KIFC3: variants seen among roughly 807,000 people sequenced by gnomAD.
KIFC3 encodes the protein kinesin-like protein KIFC3.
In KIFC3, 60 loss-of-function variants were observed where a neutral mutation model predicts 101.8. The observed-to-expected ratio is 0.59, with a 90% CI of 0.48 to 0.73. The LOEUF (loss-of-function observed/expected upper bound fraction) is 0.73. Among genes scored for constraint, KIFC3 ranks in the 30% least tolerant of loss-of-function variants. KIFC3 has a pLI of 0.00. For missense variants in KIFC3, 966 were observed against 1,137.1 expected, an observed-to-expected ratio of 0.85 and a Z score of 2.16; for synonymous variants, 476 against 482.7, an observed-to-expected ratio of 0.99 and a Z score of 0.18.
At chr16:57,809,381 A>G (rs1555627489) in intron 1 of KIFC3, among the ~76,000 whole-genome samples, 2 of 152,182 alleles carry the variant, frequency 1.3e-5, no homozygotes, top group African/African-American at 2.4e-5. Flanking sequence ...CTGCAGCCTT[A>G]AACTCCTGAG....
chr16:57,761,183 G>T lies in KIFC3; in HGVS notation c.1873-12C>A. On this transcript the variant is annotated splice_polypyrimidine_tract_variant and intron_variant, in intron 14 of 19. Transcript: ENST00000445690. ...CCAAACTCAAACACCTGGGGGATTG[G>T]GAGGAGGGCAGAGGCACAGCGTTGA... The T allele has an allele frequency of 6.2e-7, 1 of 1,613,436 alleles. No individual in the cohort carries two copies. The highest frequency in any genetic ancestry group is 1.3e-5 in the African/African-American group (1 of 75,042).
intron 13 of KIFC3, among the ~76,000 whole-genome samples, 185 bp from the exon 14 acceptor site, chr16:57,761,721 A>T (rs1294744343): frequency 6.6e-6 from 1 of 150,666 alleles, no homozygotes; most frequent in African/African-American, 2.4e-5. Flanking sequence ...ATCTCACTCC[A>T]CAATACAATG....
At chr16:57,817,528 G>A (rs1015918417) in intron 1 of KIFC3, among the ~76,000 whole-genome samples, 3 of 152,092 alleles carry the variant, frequency 2.0e-5, no homozygotes, top group African/African-American at 7.2e-5. Flanking sequence ...GGAGGCGGGC[G>A]ATCTTCAGTG....
chr16:57,794,968 C>A, intron 3 of KIFC3, 31 bp downstream of exon 3: 3 of 1,516,784 alleles, frequency 2.0e-6, no homozygotes, highest in Non-Finnish European at 2.6e-6. Flanking sequence ...AGAGCCAAGG[C>A]ACATGCAGCC....
At chr16:57,786,905 C>G (rs368975823) in intron 3 of KIFC3, among the ~76,000 whole-genome samples, 2 of 152,206 alleles carry the variant, frequency 1.3e-5, no homozygotes, top group East Asian at 3.9e-4. Flanking sequence ...ACAGGCCCCC[C>G]CAACCCGCTC....
At position 57,765,504 on chromosome 16, in the gene KIFC3, G is replaced by A. The variant is rs1394216582; in HGVS notation, c.1467C>T (p.Ser489=). 1.9e-6 allele frequency: 3 copies of A among 1,591,202 alleles called. No individual in the cohort carries two copies. Among genetic ancestry groups the A allele is most frequent in the African/African-American group, 1.3e-5 (1 of 74,708 alleles). ...IHLLHKGKPV[S]FELDKVFSPQ... ...GGGAGAAGACCTTGTCCAGCTCGAA[G>A]GACACAGGCTTGCCCTTGTGCAGCA... Residue 489 remains serine (S), a synonymous_variant, in exon 11 of 20, where the codon TCC becomes TCT. Coordinates refer to ENST00000445690, the MANE Select transcript of KIFC3 (RefSeq NM_001130100.2).
Position 57,862,798 on chromosome 16 carries a change from C to CA in KIFC3, c.38dup (p.Thr14AspfsTer33). ...GGTGTCTGGGCTTCCATGCAGCTGT[C>CA]AGAGTGTTCTTCCTGAAAAGAAACT... On this transcript the variant is annotated frameshift_variant, in exon 1 of 3. Transcript: ENST00000563028. LOFTEE classifies it high-confidence loss of function. The CA allele has an allele frequency of 3.1e-6, 4 of 1,289,682 alleles. No homozygotes were observed. Among genetic ancestry groups the CA allele is most frequent in the Non-Finnish European group, 4.0e-6 (4 of 988,760 alleles). 79.9% of individuals were successfully genotyped at this position (1,289,682 alleles called of 1,614,324 possible). A position where few individuals can be genotyped will look rare whatever the true frequency, so the allele number is the denominator to read the frequency against.
At position 57,769,737 on chromosome 16, in the gene KIFC3, C is replaced by T; in HGVS notation, c.1088-12G>A. On this transcript the variant is annotated splice_polypyrimidine_tract_variant and intron_variant, in intron 8 of 19. Coordinates refer to ENST00000445690, the MANE Select transcript of KIFC3 (RefSeq NM_001130100.2). The surrounding 1 kb of genome is among the most constrained non-coding windows in gnomAD (Gnocchi z 4.3). ...GTTGGTCCGGACGCCTATGGGGACA[C>T]TCGGGCTGTGAGGCGGGAGGGGATG... 1 of 1,612,956 alleles carries T rather than the reference C, an allele frequency of 6.2e-7. No individual in the cohort carries two copies. The highest frequency in any genetic ancestry group is 8.5e-7 in the Non-Finnish European group (1 of 1,179,792).
chr16:57,795,115 C>T lies in KIFC3; in HGVS notation c.199G>A (p.Gly67Ser), dbSNP rs1016750728. ...CTTCGGGCACTGGAGTCCTCGTCACCGCAGACTGGGGTATCTTTTCCACGC... is the reference window on the plus strand; with the variant it reads ...CTTCGGGCACTGGAGTCCTCGTCACTGCAGACTGGGGTATCTTTTCCACGC... ...TGRGKDTPVCGDEDSSARSAA... is the reference protein window; with the variant it reads ...TGRGKDTPVCSDEDSSARSAA... Residue 67 changes from glycine to serine, a missense_variant, in exon 3 of 20, where the codon GGT becomes AGT. Gly to Ser is a moderately conservative substitution (Grantham distance 56). This residue lies in a region of KIFC3 where 277 missense variants were observed against 252.5 expected (regional missense o/e 1.10). Coordinates refer to ENST00000445690, the MANE Select transcript of KIFC3 (RefSeq NM_001130100.2). The T allele has an allele frequency of 3.1e-6, 5 of 1,611,524 alleles. No homozygotes were observed. The highest frequency in any genetic ancestry group is 4.2e-6 in the Non-Finnish European group (5 of 1,178,984).
At chr16:57,815,394 C>T (rs12927271) in intron 1 of KIFC3, 126,390 of 1,165,318 alleles carry the variant, frequency 0.11, 7,171 homozygotes, top group South Asian at 0.12. Flanking sequence ...AGATCCACAC[C>T]GCACCCCACC....
intron 1 of KIFC3, among the ~76,000 whole-genome samples, chr16:57,850,947 CTCCT>C (rs200153757): frequency 0.17 from 8,747 of 51,594 alleles, 340 homozygotes; most frequent in Middle Eastern, 0.35. Context: ...CCTTCCCTCC[CTCCT>C]TCCTTCCTTC....
chr16:57,855,937 C>T (rs1484097747), intron 1 of KIFC3, among the ~76,000 whole-genome samples: 4 of 119,978 alleles, frequency 3.3e-5, no homozygotes, highest in African/African-American at 5.9e-5. Flanking sequence ...CAGAGTGAGA[C>T]TCCATCTCAA....
At chr16:57,771,125 C>G (rs111769288) in intron 6 of KIFC3, 73 bp downstream of exon 6, 2 of 1,567,454 alleles carry the variant, frequency 1.3e-6, no homozygotes, top group East Asian at 2.2e-5. Context: ...GACAAGCCCC[C>G]CTTATGGGCT....
At chr16:57,842,806 C>G (rs1252135528) in intron 1 of KIFC3, among the ~76,000 whole-genome samples, 1 of 152,140 alleles carries the variant, frequency 6.6e-6, no homozygotes, top group Admixed American at 6.6e-5. Flanking sequence ...CAACACTAGG[C>G]CACACAATTA....
At chr16:57,853,495 A>C (rs898337259) in intron 1 of KIFC3, among the ~76,000 whole-genome samples, 1 of 152,212 alleles carries the variant, frequency 6.6e-6, no homozygotes, top group Admixed American at 6.5e-5. Flanking sequence ...AAACAGAAAC[A>C]AAACATAGAG....
chr16:57,774,662 A>C, intron 3 of KIFC3: 1 of 295,186 alleles, frequency 3.4e-6, no homozygotes, highest in Non-Finnish European at 6.2e-6. Context: ...AGCTGGGACT[A>C]CAAGCACATA....
At chr16:57,765,228 G>C (rs1427947413) in intron 11 of KIFC3, among the ~76,000 whole-genome samples, 1 of 152,098 alleles carries the variant, frequency 6.6e-6, no homozygotes, top group Non-Finnish European at 1.5e-5. Context: ...GCCATGGGAG[G>C]GGATGGGCTG....
At position 57,769,752 on chromosome 16, in the gene KIFC3, G is replaced by A. The variant is rs376834911; in HGVS notation, c.1088-27C>T. On this transcript the variant is annotated intron_variant, in intron 8 of 19. Coordinates refer to ENST00000445690, the MANE Select transcript of KIFC3 (RefSeq NM_001130100.2). The surrounding 1 kb of genome is among the most constrained non-coding windows in gnomAD (Gnocchi z 4.3). The stretch of plus-strand genomic sequence containing the variant: ...TATGGGGACACTCGGGCTGTGAGGC[G>A]GGAGGGGATGAGGGGCCGCGGCGTG... 3.3e-5 allele frequency: 53 copies of A among 1,612,736 alleles called. 1 individual carries two copies. The highest frequency in any genetic ancestry group is 1.0e-4 in the Admixed American group (6 of 59,998).
chr16:57,851,889 A>G (rs1376194114), intron 1 of KIFC3, among the ~76,000 whole-genome samples: 1 of 152,016 alleles, frequency 6.6e-6, no homozygotes, highest in African/African-American at 2.4e-5. Flanking sequence ...ACAGGCATGT[A>G]CCACCACACT....
Sources: gnomAD v4.1 joint callset for allele counts (sites outside exome capture counted in the v4.1 genomes callset) on GRCh38, gnomAD v4.1.1 for gene constraint, gnomAD v4.1.1 regional missense constraint, Gnocchi (gnomAD v3.1) non-coding constraint, MANE v1.5 for transcripts, NCBI Gene and HGNC (gene_info 2026-07-23, HGNC 2026-07-21) for gene names.